The following PSD3 variants were observed in gnomAD, a reference collection of about 807,000 sequenced individuals.
PSD3 encodes pleckstrin and Sec7 domain containing 3, also known as PH and SEC7 domain-containing protein 3.
PSD3 carries 49 observed loss-of-function variants against 105.5 expected under a neutral mutation model. That is an observed-to-expected ratio of 0.46 (90% CI 0.37 to 0.59). PSD3 has a LOEUF of 0.59. Ranked by LOEUF, PSD3 falls within the 20% of genes least tolerant of loss-of-function variation. The pLI is 0.00. For synonymous variants in PSD3, 557 were observed against 457.8 expected, an observed-to-expected ratio of 1.22 and a Z score of -2.77; for missense variants, 1,561 against 1,263.8, an observed-to-expected ratio of 1.24 and a Z score of -3.57.
intron 10 of PSD3, among the ~76,000 whole-genome samples, chr8:18,652,493 G>GTTTTTTTTTTTTTTT (rs67555804): frequency 1.2e-4 from 11 of 92,596 alleles, no homozygotes; most frequent in African/African-American, 1.3e-4. Flanking sequence ...AAAAAGCTTA[G>GTTTTTTTTTTTTTTT]TTTTTTTTTT....
Position 18,799,335 on chromosome 8 carries a change from G to A in PSD3, c.2042C>T (p.Thr681Ile). Residue 681 changes from threonine (T) to isoleucine (I), a missense_variant, in exon 8 of 16, where the codon ACC (threonine) becomes ATC (isoleucine). Coordinates refer to ENST00000327040, the MANE Select transcript of PSD3 (RefSeq NM_015310.4). ...IASQDGVHCL[T>I]CAIMLLNTDL... ...GGTATTAAGAAGCATTATTGCACAG[G>A]TAAGGCAATGGACTCCATCTAAAGA... The A allele has an allele frequency of 6.2e-7, 1 of 1,607,674 alleles. No homozygotes were observed. Among genetic ancestry groups the A allele is most frequent in the South Asian group, 1.1e-5 (1 of 90,908 alleles).
intron 2 of PSD3, among the ~76,000 whole-genome samples, chr8:18,899,066 T>A (rs538912193): frequency 6.6e-6 from 1 of 152,298 alleles, no homozygotes; most frequent in Non-Finnish European, 1.5e-5. Flanking sequence ...TCAAAAACAG[T>A]CTGGAATCAT....
intron 1 of PSD3, among the ~76,000 whole-genome samples, chr8:18,937,021 G>A (rs10106221): frequency 0.012 from 1,895 of 152,278 alleles, 49 homozygotes; most frequent in African/African-American, 0.044. Flanking sequence ...CCAGGGTCCT[G>A]TGTAACTCCT....
At chr8:18,880,475 C>T (rs1274386029) in intron 2 of PSD3, among the ~76,000 whole-genome samples, 1 of 152,154 alleles carries the variant, frequency 6.6e-6, no homozygotes, top group African/African-American at 2.4e-5. Flanking sequence ...GGAATAACCA[C>T]GCAGGCTTCT....
At chr8:18,987,894 C>CA (rs1045594619) in intron 1 of PSD3, among the ~76,000 whole-genome samples, 2 of 152,062 alleles carry the variant, frequency 1.3e-5, no homozygotes, top group Non-Finnish European at 2.9e-5. Context: ...TGAGTGTACA[C>CA]AAAAAATACA....
intron 1 of PSD3, among the ~76,000 whole-genome samples, chr8:18,977,130 C>A (rs1208954314): frequency 6.6e-6 from 1 of 151,904 alleles, no homozygotes; most frequent in Non-Finnish European, 1.5e-5. Context: ...TGTGCTGGTA[C>A]ATGCCTGTAA....
At chr8:18,781,641 C>T (rs1013768568) in intron 8 of PSD3, among the ~76,000 whole-genome samples, 1 of 152,056 alleles carries the variant, frequency 6.6e-6, no homozygotes, top group Non-Finnish European at 1.5e-5. Flanking sequence ...TTCTCTTTTT[C>T]TTGGACTTTT....
intron 14 of PSD3, among the ~76,000 whole-genome samples, chr8:18,572,306 C>A (rs1221710942): frequency 6.6e-6 from 1 of 152,118 alleles, no homozygotes; most frequent in Admixed American, 6.5e-5. Context: ...GAAACTGAAT[C>A]AAAGTACGTG....
At chr8:18,635,843 T>C (rs1048332319) in intron 10 of PSD3, among the ~76,000 whole-genome samples, 2 of 151,054 alleles carry the variant, frequency 1.3e-5, no homozygotes, top group African/African-American at 4.9e-5. Flanking sequence ...ATGAGAACAT[T>C]TGGACACAAG....
At chr8:18,743,649 A>C (rs528942312) in intron 9 of PSD3, among the ~76,000 whole-genome samples, 1 of 152,216 alleles carries the variant, frequency 6.6e-6, no homozygotes, top group South Asian at 2.1e-4. Flanking sequence ...TACTTTATGC[A>C]AAATAAATTT....
intron 15 of PSD3, among the ~76,000 whole-genome samples, chr8:18,544,458 C>T (rs1364360894): frequency 6.6e-6 from 1 of 151,658 alleles, no homozygotes; most frequent in African/African-American, 2.4e-5. Context: ...ATGCTACTCC[C>T]ATGTCAGGCT....
intron 1 of PSD3, among the ~76,000 whole-genome samples, chr8:19,010,581 A>G (rs1826906856): frequency 6.6e-6 from 1 of 152,162 alleles, no homozygotes; most frequent in Admixed American, 6.5e-5. Context: ...CTACAACACT[A>G]CTTAATTTGG....
chr8:18,666,662 T>C (rs1451690414), intron 9 of PSD3, among the ~76,000 whole-genome samples: 1 of 150,294 alleles, frequency 6.7e-6, no homozygotes, highest in Non-Finnish European at 1.5e-5. Context: ...CAAGGTAAGC[T>C]AGCACTCAGC....
intron 9 of PSD3, chr8:18,762,893 C>T: frequency 8.0e-7 from 1 of 1,252,388 alleles, no homozygotes; most frequent in South Asian, 1.3e-5. Context: ...CAGAATTTGG[C>T]TTATACTTTT....
intron 4 of PSD3, among the ~76,000 whole-genome samples, chr8:18,855,181 A>G (rs1586233900): frequency 6.6e-6 from 1 of 152,360 alleles, no homozygotes; most frequent in East Asian, 1.9e-4. Flanking sequence ...TTAAAAGACT[A>G]AAAATTACTT....
At chr8:18,838,753 G>A (rs189340801) in intron 4 of PSD3, among the ~76,000 whole-genome samples, 2 of 150,658 alleles carry the variant, frequency 1.3e-5, no homozygotes, top group African/African-American at 4.9e-5. Flanking sequence ...AGTGAGCCGC[G>A]ACAGCGCCAC....
intron 2 of PSD3, among the ~76,000 whole-genome samples, chr8:18,909,647 C>G (rs1049864100): frequency 3.3e-5 from 5 of 151,918 alleles, no homozygotes; most frequent in Non-Finnish European, 7.4e-5. Flanking sequence ...CCATGCCCGG[C>G]TAATTTTTGT....
At chr8:19,083,246 G>T (rs1469650780) in intron 1 of PSD3, among the ~76,000 whole-genome samples, 1 of 152,218 alleles carries the variant, frequency 6.6e-6, no homozygotes, top group African/African-American at 2.4e-5. Flanking sequence ...CACACTGTGA[G>T]AAAAGAAAGC....
intron 8 of PSD3, among the ~76,000 whole-genome samples, chr8:18,766,360 G>GT (rs1438169023): frequency 5.3e-5 from 8 of 151,808 alleles, no homozygotes; most frequent in African/African-American, 1.9e-4. Context: ...GCAACCACAG[G>GT]TTTATATACA....
Sources: gnomAD v4.1 joint callset for allele counts (sites outside exome capture counted in the v4.1 genomes callset) on GRCh38, gnomAD v4.1.1 for gene constraint, MANE v1.5 for transcripts, NCBI Gene and HGNC (gene_info 2026-07-23, HGNC 2026-07-21) for gene names.